ADARB1: variants seen among roughly 807,000 people sequenced by gnomAD.
The protein encoded by ADARB1 is double-stranded RNA-specific editase 1.
ADARB1 carries 10 observed loss-of-function variants against 52.4 expected under a neutral mutation model. The observed-to-expected ratio is 0.19, with a 90% CI of 0.12 to 0.32. The LOEUF is 0.32. Among genes scored for constraint, ADARB1 ranks in the 10% least tolerant of loss-of-function variants. The pLI, the probability that ADARB1 is intolerant of heterozygous loss-of-function variation, is 1.00. For synonymous variants in ADARB1, 349 were observed against 371.1 expected, an observed-to-expected ratio of 0.94 and a Z score of 0.68; for missense variants, 643 against 922.3, an observed-to-expected ratio of 0.70 and a Z score of 3.92.
intron 1 of ADARB1, among the ~76,000 whole-genome samples, chr21:45,108,132 T>A (rs1460173854): frequency 6.6e-6 from 1 of 152,094 alleles, no homozygotes; most frequent in East Asian, 1.9e-4. Flanking sequence ...AAAATACCAA[T>A]TGTGTGAAAA....
Position 45,074,753 on chromosome 21 carries a change from CGCGCGTGCGG to C in ADARB1, c.-259_-250del, listed in dbSNP as rs1568983605. On this transcript the variant is annotated 5_prime_UTR_variant, in exon 1 of 11. Coordinates refer to ENST00000348831, the MANE Select transcript of ADARB1 (RefSeq NM_001112.4). ...GCGAGACTGCGGCCGAAGCGTGGGG[CGCGCGTGCGG>C]AGGACCAGGCGCGGCGCGGCTGCGG... 2 of 146,382 alleles carry C rather than the reference CGCGCGTGCGG, an allele frequency of 1.4e-5. No individual in the cohort carries two copies. Among genetic ancestry groups the C allele is most frequent in the African/African-American group, 4.9e-5 (2 of 40,626 alleles). 9.1% of individuals were successfully genotyped at this position (146,382 alleles called of 1,614,324 possible). A position where few individuals can be genotyped will look rare whatever the true frequency, so the allele number is the denominator to read the frequency against.
chr21:45,220,567 T>A lies in ADARB1; in HGVS notation c.1748-269T>A, dbSNP rs1388868054. Among the ~76,000 whole-genome samples, 2 of 152,202 alleles carry A rather than the reference T, an allele frequency of 1.3e-5. No individual in the cohort carries two copies. The highest frequency in any genetic ancestry group is 4.8e-5 in the African/African-American group (2 of 41,442). On this transcript the variant is annotated intron_variant, in intron 9 of 10. Transcript: ENST00000348831. The surrounding 1 kb of genome is among the most constrained non-coding windows in gnomAD (Gnocchi z 6.3). ...TCTCATGATTTCAGGTTTCTGTCAATCTTCTGCCCACCTGCCCTGTCAGAC... is the reference window on the plus strand; with the variant it reads ...TCTCATGATTTCAGGTTTCTGTCAAACTTCTGCCCACCTGCCCTGTCAGAC...
intron 1 of ADARB1, among the ~76,000 whole-genome samples, chr21:45,100,162 A>C (rs1445327541): frequency 6.6e-6 from 1 of 152,208 alleles, no homozygotes; most frequent in East Asian, 1.9e-4. Flanking sequence ...ATATACAGAA[A>C]TTTAAAAAGC....
chr21:45,137,276 G>C (rs1466200726), intron 2 of ADARB1: 1 of 152,168 alleles, frequency 6.6e-6, no homozygotes, highest in Non-Finnish European at 1.5e-5. Flanking sequence ...CCCTCTTGTG[G>C]GCAGATTCCC....
chr21:45,159,667 G>A (rs886241604), intron 2 of ADARB1, among the ~76,000 whole-genome samples: 5 of 152,134 alleles, frequency 3.3e-5, no homozygotes, highest in Admixed American at 6.5e-5. Flanking sequence ...AATGGGAGGC[G>A]AATAGGCCCC....
At chr21:45,094,664 C>G (rs753129619) in intron 1 of ADARB1, among the ~76,000 whole-genome samples, 13 of 152,132 alleles carry the variant, frequency 8.5e-5, no homozygotes, top group Admixed American at 1.3e-4. Flanking sequence ...CACAGCTGAC[C>G]TGGTGGGCTT....
At chr21:45,145,530 C>T (rs1026057071) in intron 2 of ADARB1, 1 of 152,288 alleles carries the variant, frequency 6.6e-6, no homozygotes, top group African/African-American at 2.4e-5. Flanking sequence ...GCCTGGAACC[C>T]TGTGCTGGCT....
At chr21:45,194,698 A>G (rs1205240785) in intron 8 of ADARB1, among the ~76,000 whole-genome samples, 1 of 152,210 alleles carries the variant, frequency 6.6e-6, no homozygotes, top group East Asian at 1.9e-4. Context: ...TAGCCTTTTC[A>G]GATTGGCTTT....
intron 9 of ADARB1, among the ~76,000 whole-genome samples, chr21:45,205,569 G>A (rs147257469): frequency 4.6e-4 from 70 of 152,336 alleles, no homozygotes; most frequent in African/African-American, 1.7e-3. Context: ...GGTGGAACCA[G>A]GGGTGCCAAT....
chr21:45,139,650 T>TGTGGGGCCGCGTGCGCCC (rs1166762066), intron 2 of ADARB1, among the ~76,000 whole-genome samples: 1 of 152,066 alleles, frequency 6.6e-6, no homozygotes, highest in Non-Finnish European at 1.5e-5. Flanking sequence ...TGAGTGGTAG[T>TGTGGGGCCGCGTGCGCCC]GTGGGGCCGC....
At chr21:45,093,932 T>A (rs1019378985) in intron 1 of ADARB1, among the ~76,000 whole-genome samples, 15 of 152,360 alleles carry the variant, frequency 9.8e-5, no homozygotes, top group African/African-American at 3.6e-4. Flanking sequence ...ATTAAATAAC[T>A]CGCTTTTTAG....
chr21:45,205,615 A>G (rs1161823543), intron 9 of ADARB1, among the ~76,000 whole-genome samples: 1 of 152,108 alleles, frequency 6.6e-6, no homozygotes, highest in East Asian at 1.9e-4. Flanking sequence ...GTCTGCACCT[A>G]CCCTCGATTC....
intron 2 of ADARB1, among the ~76,000 whole-genome samples, chr21:45,166,133 A>G (rs937543794): frequency 6.6e-6 from 1 of 152,060 alleles, no homozygotes; most frequent in Admixed American, 6.5e-5. Flanking sequence ...ATGTTTTTTC[A>G]TTAAGGGAAG....
intron 9 of ADARB1, among the ~76,000 whole-genome samples, chr21:45,209,580 C>G (rs1245644643): frequency 6.6e-6 from 1 of 152,178 alleles, no homozygotes; most frequent in African/African-American, 2.4e-5. Context: ...CACGTCAAGA[C>G]CTCCATGCCA....
intron 1 of ADARB1, among the ~76,000 whole-genome samples, chr21:45,098,076 A>T (rs1055212192): frequency 6.6e-6 from 1 of 152,092 alleles, no homozygotes; most frequent in Non-Finnish European, 1.5e-5. Context: ...CAGTCCCCTC[A>T]AACATTTGTG....
intron 9 of ADARB1, among the ~76,000 whole-genome samples, chr21:45,206,018 G>A (rs1156800832): frequency 2.0e-5 from 3 of 152,146 alleles, no homozygotes; most frequent in East Asian, 1.9e-4. Flanking sequence ...TTACAGTTCC[G>A]TAACTTAACC....
intron 1 of ADARB1, among the ~76,000 whole-genome samples, chr21:45,125,850 TC>T (rs2088543371): frequency 6.6e-6 from 1 of 152,220 alleles, no homozygotes; most frequent in South Asian, 2.1e-4. Context: ...TCTTACTAGT[TC>T]CCTTTTTCTG....
In ADARB1 at chr21:45,222,878, G is replaced by A; in HGVS notation, c.*681G>A. 1 of 985,482 alleles carries A rather than the reference G, an allele frequency of 1.0e-6. No homozygotes were observed. Among genetic ancestry groups the A allele is most frequent in the Non-Finnish European group, 1.2e-6 (1 of 829,954 alleles). 61.0% of individuals were successfully genotyped at this position (985,482 alleles called of 1,614,324 possible). On this transcript the variant is annotated 3_prime_UTR_variant, in exon 11 of 11. Coordinates refer to ENST00000348831, the MANE Select transcript of ADARB1 (RefSeq NM_001112.4). ...CATGGGGTCCCGCAGCAGTGACTGT[G>A]TGTCCTGCAGAGGCGTGACCCAGGC...
At chr21:45,153,835 C>T (rs79066381) in intron 2 of ADARB1, among the ~76,000 whole-genome samples, 8,308 of 152,252 alleles carry the variant, frequency 0.055, 230 homozygotes, top group Middle Eastern at 0.088. Flanking sequence ...TGTGCGGCCC[C>T]CTCTGCCCTC....
Sources: allele counts gnomAD v4.1 joint callset (sites outside exome capture counted in the v4.1 genomes callset), GRCh38; gene constraint gnomAD v4.1.1; non-coding constraint Gnocchi (gnomAD v3.1); transcripts MANE v1.5; gene names NCBI Gene and HGNC (gene_info 2026-07-23, HGNC 2026-07-21).